KLHL1: variants seen among roughly 807,000 people sequenced by gnomAD.
KLHL1 encodes kelch like family member 1.
A neutral mutation model predicts 77.7 loss-of-function variants in KLHL1; 47 were observed. The ratio of observed to expected loss-of-function variants is 0.60; its 90% CI spans 0.48 to 0.77. The LOEUF is 0.77. KLHL1 is among the 30% of genes least tolerant of loss of function. KLHL1 has a pLI of 0.00. For synonymous variants in KLHL1, 360 were observed against 325.2 expected, an observed-to-expected ratio of 1.11 and a Z score of -1.15; for missense variants, 925 against 910.8, an observed-to-expected ratio of 1.02 and a Z score of -0.20.
intron 1 of KLHL1, among the ~76,000 whole-genome samples, chr13:69,988,926 C>T (rs1884948456): frequency 6.6e-6 from 1 of 151,992 alleles, no homozygotes; most frequent in South Asian, 2.1e-4. Flanking sequence ...TCTGTTTGTT[C>T]TGTTGATAGG....
intron 1 of KLHL1, among the ~76,000 whole-genome samples, chr13:70,059,395 C>T (rs1474041436): frequency 6.6e-6 from 1 of 152,120 alleles, no homozygotes; most frequent in African/African-American, 2.4e-5. Context: ...GTCTCAAACT[C>T]CTGACCTCAA....
intron 7 of KLHL1, among the ~76,000 whole-genome samples, chr13:69,781,281 C>CTTTT (rs1876183086): frequency 9.0e-6 from 1 of 111,432 alleles, no homozygotes; most frequent in Admixed American, 8.7e-5. Context: ...TCCTTTTTTT[C>CTTTT]TTTCTTTTTT....
chr13:69,826,943 A>G (rs1878573290), intron 6 of KLHL1, among the ~76,000 whole-genome samples: 1 of 151,760 alleles, frequency 6.6e-6, no homozygotes, highest in Admixed American at 6.6e-5. Flanking sequence ...TTCTAGACAA[A>G]TGAATTTTGT....
intron 1 of KLHL1, among the ~76,000 whole-genome samples, chr13:69,979,246 T>G (rs1233472838): frequency 6.6e-6 from 1 of 152,010 alleles, no homozygotes; most frequent in Non-Finnish European, 1.5e-5. Flanking sequence ...TTCTTCATAT[T>G]GTATCTGAGA....
chr13:70,079,507 C>T (rs1489153944), intron 1 of KLHL1, among the ~76,000 whole-genome samples: 1 of 152,036 alleles, frequency 6.6e-6, no homozygotes, highest in Admixed American at 6.6e-5. Flanking sequence ...TGATAATATC[C>T]CATCTAAAAA....
chr13:70,010,610 G>C (rs1440185110), intron 1 of KLHL1, among the ~76,000 whole-genome samples: 2 of 152,086 alleles, frequency 1.3e-5, no homozygotes, highest in Non-Finnish European at 2.9e-5. Flanking sequence ...CAAGAGTTCA[G>C]GCTGGGTGTG....
At chr13:69,914,971 C>T (rs1305399369) in intron 4 of KLHL1, among the ~76,000 whole-genome samples, 1 of 152,176 alleles carries the variant, frequency 6.6e-6, no homozygotes, top group Non-Finnish European at 1.5e-5. Flanking sequence ...TAACATATCA[C>T]TTTTTGGCCC....
chr13:69,979,137 A>G (rs1884633225), intron 1 of KLHL1, among the ~76,000 whole-genome samples: 1 of 151,056 alleles, frequency 6.6e-6, no homozygotes, highest in Non-Finnish European at 1.5e-5. Flanking sequence ...AAAGAATGGG[A>G]TTAAAAAAAC....
intron 1 of KLHL1, among the ~76,000 whole-genome samples, chr13:70,049,991 GA>G (rs1886591262): frequency 6.6e-6 from 1 of 151,398 alleles, no homozygotes; most frequent in African/African-American, 2.4e-5. Context: ...AATTTATATA[GA>G]AAAAACAAAA....
intron 6 of KLHL1, among the ~76,000 whole-genome samples, chr13:69,801,920 T>C (rs180720314): frequency 3.3e-5 from 5 of 152,274 alleles, no homozygotes; most frequent in Non-Finnish European, 7.4e-5. Context: ...CATGCAGGTT[T>C]ATTACATAGG....
chr13:69,974,542 A>C (rs1026101056), intron 2 of KLHL1, among the ~76,000 whole-genome samples: 2 of 151,990 alleles, frequency 1.3e-5, no homozygotes, highest in African/African-American at 4.8e-5. Flanking sequence ...TGAATAAAAG[A>C]CTACAAGATT....
chr13:69,908,465 C>A (rs1882117676), intron 4 of KLHL1, among the ~76,000 whole-genome samples: 1 of 149,052 alleles, frequency 6.7e-6, no homozygotes, highest in Non-Finnish European at 1.5e-5. Context: ...ATAGTAAATT[C>A]TATAAACCCA....
At chr13:69,909,796 C>T (rs1357541010) in intron 4 of KLHL1, among the ~76,000 whole-genome samples, 1 of 151,774 alleles carries the variant, frequency 6.6e-6, no homozygotes, top group East Asian at 1.9e-4. Context: ...TTATTATACC[C>T]CAAAATTATC....
intron 4 of KLHL1, among the ~76,000 whole-genome samples, chr13:69,937,956 G>A (rs1883236706): frequency 6.6e-6 from 1 of 152,050 alleles, no homozygotes; most frequent in South Asian, 2.1e-4. Context: ...AATAATTACA[G>A]TCAGGAGAGA....
intron 1 of KLHL1, among the ~76,000 whole-genome samples, chr13:70,046,226 A>G (rs1398749612): frequency 6.6e-6 from 1 of 152,328 alleles, no homozygotes. Flanking sequence ...TGAGAAAAAA[A>G]AAAATGTCAT....
At chr13:70,096,578 T>C (rs940884305) in intron 1 of KLHL1, among the ~76,000 whole-genome samples, 2 of 152,016 alleles carry the variant, frequency 1.3e-5, no homozygotes, top group African/African-American at 4.8e-5. Context: ...AGAAGTTTGT[T>C]TTACTTGTCT....
chr13:69,712,004 GCCTATTTGGATATCA>G (rs1875899888), intron 9 of KLHL1, among the ~76,000 whole-genome samples: 1 of 151,956 alleles, frequency 6.6e-6, no homozygotes, highest in Non-Finnish European at 1.5e-5. Context: ...AGTAGTCATT[GCCTATTTGGATATCA>G]CCTCTTGAAG....
At chr13:70,051,266 CA>C (rs1384060696) in intron 1 of KLHL1, among the ~76,000 whole-genome samples, 1 of 151,868 alleles carries the variant, frequency 6.6e-6, no homozygotes, top group Admixed American at 6.6e-5. Flanking sequence ...TTTCCAATAA[CA>C]AAAACCTCAC....
At chr13:69,968,509 C>A (rs1420361306) in intron 2 of KLHL1, among the ~76,000 whole-genome samples, 1 of 146,908 alleles carries the variant, frequency 6.8e-6, no homozygotes. Flanking sequence ...AAAAATCAAA[C>A]CTATGAAATT....
Sources: gnomAD v4.1 joint callset for allele counts (sites outside exome capture counted in the v4.1 genomes callset) on GRCh38, gnomAD v4.1.1 for gene constraint, MANE v1.5 for transcripts, NCBI Gene and HGNC (gene_info 2026-07-23, HGNC 2026-07-21) for gene names.